The following GALNT14 variants were observed in gnomAD, a reference collection of about 807,000 sequenced individuals.
The protein encoded by GALNT14 is UDP-GalNAc:polypeptide N-acetylgalactosaminyltransferase 14.
A neutral mutation model predicts 77.5 loss-of-function variants in GALNT14; 60 were observed. The ratio of observed to expected loss-of-function variants is 0.77; its 90% CI spans 0.63 to 0.96. The LOEUF (loss-of-function observed/expected upper bound fraction) is 0.96, where lower values mean the gene tolerates loss of function less well. Ranked by LOEUF, GALNT14 falls within the 40% of genes least tolerant of loss-of-function variation. The probability of loss-of-function intolerance (pLI) is 0.00; values close to 1 mark genes in which losing one functional copy is unlikely to be tolerated. For synonymous variants in GALNT14, 280 were observed against 281.7 expected (o/e 0.99, Z 0.06); for missense variants, 710 against 731.0 (o/e 0.97, Z 0.33).
At chr2:30,993,423 C>T (rs1407825401) in intron 1 of GALNT14, among the ~76,000 whole-genome samples, 2 of 152,250 alleles carry the variant, frequency 1.3e-5, no homozygotes, top group Admixed American at 6.5e-5. Context: ...GAGGCCATCT[C>T]TCCAGGGCAA....
chr2:31,088,190 T>C (rs1326218132), intron 1 of GALNT14, among the ~76,000 whole-genome samples: 1 of 152,044 alleles, frequency 6.6e-6, no homozygotes, highest in Non-Finnish European at 1.5e-5. Context: ...TGGAGTGGGA[T>C]GAAGAGAGAT....
intron 2 of GALNT14, among the ~76,000 whole-genome samples, chr2:30,982,410 C>T (rs1245650044): frequency 6.6e-6 from 1 of 152,098 alleles, no homozygotes; most frequent in Non-Finnish European, 1.5e-5. Flanking sequence ...TGGAAAAACC[C>T]CAAATGAGCA....
intron 1 of GALNT14, among the ~76,000 whole-genome samples, chr2:31,107,231 G>T (rs1677605128): frequency 6.6e-6 from 1 of 152,184 alleles, no homozygotes; most frequent in African/African-American, 2.4e-5. Context: ...CGTTTCTTCA[G>T]TTTTGCTCAC....
chr2:31,057,759 C>T (rs1176954271), intron 1 of GALNT14, among the ~76,000 whole-genome samples: 1 of 152,016 alleles, frequency 6.6e-6, no homozygotes, highest in African/African-American at 2.4e-5. Flanking sequence ...TTGGCCCCTT[C>T]CCCCATACAT....
chr2:31,032,952 C>A (rs1007993901), intron 1 of GALNT14, among the ~76,000 whole-genome samples: 1 of 152,164 alleles, frequency 6.6e-6, no homozygotes, highest in Admixed American at 6.5e-5. Flanking sequence ...CAGAGCAGCC[C>A]TGAGTTGGAA....
chr2:30,919,023 C>T (rs947408612), intron 13 of GALNT14, among the ~76,000 whole-genome samples: 1 of 152,226 alleles, frequency 6.6e-6, no homozygotes, highest in Admixed American at 6.5e-5. Context: ...ACCCACCTTG[C>T]ATGCTCCACA....
chr2:31,022,819 AG>A lies in GALNT14; in HGVS notation c.130-29813del, dbSNP rs529635686. On this transcript the variant is annotated intron_variant, in intron 1 of 14. Coordinates refer to ENST00000349752, the MANE Select transcript of GALNT14 (RefSeq NM_024572.4). ...GCTGAAATGAACAGAGGTTCTCTGT[AG>A]ATTTTCTAATGCCAAAATTCTGGAT... Among the ~76,000 whole-genome samples the A allele has an allele frequency of 3.4e-3, 517 of 152,366 alleles. 6 individuals carry two copies. Among genetic ancestry groups the A allele is most frequent in the African/African-American group, 0.012 (496 of 41,576 alleles).
the GALNT14 span, among the ~76,000 whole-genome samples, chr2:30,901,366 T>A: frequency 2.0e-5 from 3 of 152,058 alleles, no homozygotes; most frequent in African/African-American, 7.2e-5. Flanking sequence ...TTTCTCCCCA[T>A]TCACTCAACA....
intron 2 of GALNT14, among the ~76,000 whole-genome samples, chr2:30,967,162 A>AT (rs1298054057): frequency 6.6e-6 from 1 of 151,912 alleles, no homozygotes; most frequent in East Asian, 1.9e-4. Flanking sequence ...TTCATTATCT[A>AT]TTTTTTTCCT....
chr2:30,922,413 AG>A (rs1033737306), intron 13 of GALNT14, among the ~76,000 whole-genome samples: 7 of 152,202 alleles, frequency 4.6e-5, no homozygotes, highest in African/African-American at 1.7e-4. Context: ...TCTTCAGCAC[AG>A]GAAGAGAGAC....
chr2:31,055,463 A>C (rs1674148373), intron 1 of GALNT14, among the ~76,000 whole-genome samples: 1 of 152,202 alleles, frequency 6.6e-6, no homozygotes, highest in African/African-American at 2.4e-5. Flanking sequence ...CAGGGGAAAA[A>C]TAGAACAGTC....
intron 1 of GALNT14, among the ~76,000 whole-genome samples, chr2:31,028,478 C>G (rs1371064917): frequency 1.3e-5 from 2 of 152,254 alleles, no homozygotes; most frequent in Non-Finnish European, 2.9e-5. Flanking sequence ...TTCAGGGCAA[C>G]TGCCCTCCAC....
intron 6 of GALNT14, 28 bp downstream of exon 6, chr2:30,955,590 C>T (rs368936056): frequency 1.9e-6 from 3 of 1,609,132 alleles, no homozygotes; most frequent in African/African-American, 1.3e-5. Context: ...GGGCACGAGG[C>T]CCGGCCCTGC....
rs150807535 is a variant in GALNT14 at position 30,929,470 on chromosome 2, G to T, written c.1076C>A (p.Ala359Asp). 1.4e-5 allele frequency: 23 copies of T among 1,613,908 alleles called. No homozygotes were observed. The highest frequency in any genetic ancestry group is 6.7e-5 in the African/African-American group (5 of 74,934). The change falls in exon 11 of 15, where the codon GCT becomes GAT. Residue 359 changes from alanine (A) to aspartate (D), a missense_variant. By Grantham distance (126) the Ala-to-Asp change is moderately radical. Transcript: ENST00000349752. ...CTTGTATTCATCCATCCACACTTCA[G>T]CTGTCCGCTTGGTGTTCCTGGGAAA... is the stretch of plus-strand genomic sequence containing the variant. The part of the protein sequence containing the change: ...NTYIKNTKRT[A>D]EVWMDEYKQY...
intron 1 of GALNT14, among the ~76,000 whole-genome samples, chr2:31,009,590 TC>T: frequency 6.6e-6 from 1 of 152,108 alleles, no homozygotes; most frequent in East Asian, 1.9e-4. Flanking sequence ...CAGAACAATA[TC>T]AAAAAAACGC....
intron 1 of GALNT14, among the ~76,000 whole-genome samples, chr2:31,110,591 T>C (rs916514955): frequency 1.3e-5 from 2 of 152,100 alleles, no homozygotes; most frequent in Non-Finnish European, 2.9e-5. Context: ...AGCCTTCCTA[T>C]GTCCTTCCCT....
the GALNT14 span, among the ~76,000 whole-genome samples, chr2:30,902,933 T>G: frequency 1.3e-5 from 2 of 152,188 alleles, no homozygotes; most frequent in African/African-American, 4.8e-5. Context: ...TCATTCTTCT[T>G]TGCAGGCCTG....
At chr2:31,125,231 A>G in intron 1 of GALNT14, 1 of 1,550,610 alleles carries the variant, frequency 6.4e-7, no homozygotes, top group South Asian at 1.2e-5. Flanking sequence ...CATCCCAGCC[A>G]CCTTGAAAAA....
chr2:31,069,013 G>A (rs1054679803), intron 1 of GALNT14, among the ~76,000 whole-genome samples: 2 of 152,154 alleles, frequency 1.3e-5, no homozygotes, highest in Non-Finnish European at 2.9e-5. Flanking sequence ...TGGGGCATGG[G>A]AATTGAATGC....
Sources: gnomAD v4.1 joint callset for allele counts (sites outside exome capture counted in the v4.1 genomes callset) on GRCh38, gnomAD v4.1.1 for gene constraint, MANE v1.5 for transcripts, NCBI Gene and HGNC (gene_info 2026-07-23, HGNC 2026-07-21) for gene names.